The following TRPC4AP variants were observed in gnomAD, a reference collection of about 807,000 sequenced individuals.
TRPC4AP encodes short transient receptor potential channel 4-associated protein.
TRPC4AP carries 45 observed loss-of-function variants against 99.0 expected under a neutral mutation model. The observed-to-expected ratio is 0.45, with a 90% CI of 0.36 to 0.58. TRPC4AP has a LOEUF of 0.58. TRPC4AP is among the 20% of genes least tolerant of loss of function. The pLI, the probability that TRPC4AP is intolerant of heterozygous loss-of-function variation, is 0.00. For missense variants in TRPC4AP, 879 were observed against 985.3 expected, an observed-to-expected ratio of 0.89 and a Z score of 1.44; for synonymous variants, 408 against 385.8, an observed-to-expected ratio of 1.06 and a Z score of -0.67.
chr20:35,075,747 C>T (rs181787932), intron 2 of TRPC4AP, among the ~76,000 whole-genome samples: 2 of 152,314 alleles, frequency 1.3e-5, no homozygotes, highest in Non-Finnish European at 2.9e-5. Flanking sequence ...TGGAGTTCCT[C>T]TCCTCGAGGA....
chr20:35,038,149 GTAGC>G (rs1056711650), intron 7 of TRPC4AP, among the ~76,000 whole-genome samples: 1 of 150,034 alleles, frequency 6.7e-6, no homozygotes, highest in Non-Finnish European at 1.5e-5. Flanking sequence ...GATAGAGGTG[GTAGC>G]TGCACAACAC....
chr20:35,029,337 T>C (rs1164849091), intron 8 of TRPC4AP, among the ~76,000 whole-genome samples: 1 of 152,192 alleles, frequency 6.6e-6, no homozygotes, highest in Non-Finnish European at 1.5e-5. Flanking sequence ...TTTCAACCTA[T>C]TTTATCTCTG....
chr20:35,054,178 T>C (rs1241197794), intron 5 of TRPC4AP, among the ~76,000 whole-genome samples: 1 of 105,792 alleles, frequency 9.5e-6, no homozygotes, highest in Non-Finnish European at 1.9e-5. Flanking sequence ...AGAAATGAAA[T>C]GGAGCTAAAT....
chr20:35,006,225 A>T (rs1469924526), intron 15 of TRPC4AP, among the ~76,000 whole-genome samples: 1 of 151,416 alleles, frequency 6.6e-6, no homozygotes. Context: ...CTCACTCCCT[A>T]CCCACAAGCA....
intron 7 of TRPC4AP, among the ~76,000 whole-genome samples, chr20:35,040,248 G>T (rs2083417060): frequency 6.6e-6 from 1 of 152,132 alleles, no homozygotes; most frequent in Non-Finnish European, 1.5e-5. Context: ...GTTTCTGGGT[G>T]TGTCTGTGAA....
chr20:35,063,814 T>A (rs898625418), intron 3 of TRPC4AP, among the ~76,000 whole-genome samples: 1 of 152,126 alleles, frequency 6.6e-6, no homozygotes, highest in African/African-American at 2.4e-5. Context: ...TGAGCTAGGA[T>A]CGTACCACTG....
intron 3 of TRPC4AP, among the ~76,000 whole-genome samples, chr20:35,059,561 G>A (rs757206599): frequency 3.3e-5 from 5 of 152,134 alleles, no homozygotes; most frequent in Non-Finnish European, 7.3e-5. Context: ...GGGAGACTGA[G>A]GCAGGAGGAT....
At chr20:35,040,556 T>C (rs1345397300) in intron 7 of TRPC4AP, among the ~76,000 whole-genome samples, 4 of 152,202 alleles carry the variant, frequency 2.6e-5, no homozygotes, top group Admixed American at 6.6e-5. Flanking sequence ...GACTGAGCCA[T>C]GCTAATGGCT....
chr20:35,019,090 C>T (rs1384405740), intron 9 of TRPC4AP, among the ~76,000 whole-genome samples: 1 of 152,186 alleles, frequency 6.6e-6, no homozygotes, highest in Admixed American at 6.5e-5. Flanking sequence ...GAACTTGGCC[C>T]AACTGCTCAT....
At chr20:35,010,947 T>C (rs2082621704) in intron 11 of TRPC4AP, among the ~76,000 whole-genome samples, 2 of 152,194 alleles carry the variant, frequency 1.3e-5, no homozygotes, top group African/African-American at 4.8e-5. Flanking sequence ...CCCATCGTAT[T>C]TGAAAATGCC....
At chr20:35,009,459 T>C (rs1180374641) in intron 12 of TRPC4AP, among the ~76,000 whole-genome samples, 2 of 150,300 alleles carry the variant, frequency 1.3e-5, no homozygotes, top group East Asian at 2.0e-4. Flanking sequence ...CTGGGCAACA[T>C]AGTGAGACCC....
At chr20:35,069,226 A>G in intron 3 of TRPC4AP, 70 bp downstream of exon 3, 1 of 874,778 alleles carries the variant, frequency 1.1e-6, no homozygotes. Flanking sequence ...CCTATCTCCC[A>G]TTTCAAAAGT....
At chr20:35,090,943 C>T (rs1332946136) in intron 1 of TRPC4AP, among the ~76,000 whole-genome samples, 1 of 50 alleles carries the variant, frequency 0.02, no homozygotes, top group Non-Finnish European at 0.028. Context: ...CGTACTTTTT[C>T]TAAAGGTTAT....
intron 8 of TRPC4AP, among the ~76,000 whole-genome samples, chr20:35,032,382 C>CCTAT (rs1430129317): frequency 1.3e-5 from 2 of 151,820 alleles, no homozygotes; most frequent in East Asian, 3.9e-4. Context: ...TCAAATACTT[C>CCTAT]CTATCTTTTT....
chr20:35,015,930 A>C, intron 10 of TRPC4AP, 78 bp downstream of exon 10: 2 of 1,579,818 alleles, frequency 1.3e-6, no homozygotes, highest in Non-Finnish European at 1.7e-6. Flanking sequence ...AAAAAAGGTC[A>C]AAGGGTCAGC....
chr20:35,086,485 G>GTA lies in TRPC4AP; in HGVS notation c.168+6127_168+6128dup, dbSNP rs151331360. ...TGTGTGTGTGTGTGTGTATGTGTGT[G>GTA]TATATATATATGTGTATATATATGT... On this transcript the variant is annotated intron_variant, in intron 1 of 18. Coordinates refer to ENST00000252015, the MANE Select transcript of TRPC4AP (RefSeq NM_015638.3). Among the ~76,000 whole-genome samples, 121 of 125,078 alleles carry GTA rather than the reference G, an allele frequency of 9.7e-4. 5 individuals carry two copies. Among genetic ancestry groups the GTA allele is most frequent in the South Asian group, 5.0e-4 (2 of 3,982 alleles). 82.1% of individuals were successfully genotyped at this position (125,078 alleles called of 152,430 possible). A position where few individuals can be genotyped will look rare whatever the true frequency, so the allele number is the denominator to read the frequency against.
At chr20:35,033,282 AGTTT>A (rs2083243348) in intron 8 of TRPC4AP, among the ~76,000 whole-genome samples, 1 of 152,162 alleles carries the variant, frequency 6.6e-6, no homozygotes, top group South Asian at 2.1e-4. Context: ...CTTATTTATT[AGTTT>A]AGTGACTTGG....
In TRPC4AP at chr20:35,006,413, CAG is replaced by C; in HGVS notation, c.1827+20_1827+21del. The C allele has an allele frequency of 1.2e-6, 2 of 1,612,532 alleles. No homozygotes were observed. Among genetic ancestry groups the C allele is most frequent in the Non-Finnish European group, 1.7e-6 (2 of 1,178,934 alleles). ...CTTCTGGACAACCCAGCACACTCCACAGAGCCCTGGGTTAACTTTACCTTTGC... is the reference window on the plus strand; with the variant it reads ...CTTCTGGACAACCCAGCACACTCCACAGCCCTGGGTTAACTTTACCTTTGC... On this transcript the variant is annotated intron_variant, in intron 15 of 18. Transcript: ENST00000252015.
chr20:35,054,381 C>CA, intron 5 of TRPC4AP, among the ~76,000 whole-genome samples: 1 of 152,256 alleles, frequency 6.6e-6, no homozygotes, highest in African/African-American at 2.4e-5. Flanking sequence ...TCTCATTTCT[C>CA]ACAATAAATC....
Sources: allele counts gnomAD v4.1 joint callset (sites outside exome capture counted in the v4.1 genomes callset), GRCh38; gene constraint gnomAD v4.1.1; transcripts MANE v1.5; gene names NCBI Gene and HGNC (gene_info 2026-07-23, HGNC 2026-07-21).